Variants in COX7B2 observed in about 807,000 individuals in gnomAD.
The protein encoded by COX7B2 is cytochrome c oxidase subunit 7B2, also known as cytochrome c oxidase subunit 7B2, mitochondrial.
For synonymous variants in COX7B2, 37 were observed against 32.1 expected (o/e 1.15, Z -0.51); for missense variants, 109 against 95.9 (o/e 1.14, Z -0.57).
chr4:46,888,539 G>A (rs2109864706), intron 1 of COX7B2, among the ~76,000 whole-genome samples: 1 of 151,750 alleles, frequency 6.6e-6, no homozygotes. Context: ...CACCTCCCAG[G>A]TTCACGCCAT....
chr4:46,897,255 T>C (rs1719818704), intron 1 of COX7B2, among the ~76,000 whole-genome samples: 1 of 152,052 alleles, frequency 6.6e-6, no homozygotes, highest in East Asian at 1.9e-4. Flanking sequence ...AAAATAAAGG[T>C]TCCAACTCCT....
At chr4:46,829,608 C>T (rs1714930125) in intron 2 of COX7B2, among the ~76,000 whole-genome samples, 1 of 152,076 alleles carries the variant, frequency 6.6e-6, no homozygotes. Flanking sequence ...GGCACTTCAT[C>T]ATGGGATGAA....
intron 2 of COX7B2, among the ~76,000 whole-genome samples, chr4:46,773,075 C>A (rs541572282): frequency 6.6e-6 from 1 of 152,134 alleles, no homozygotes; most frequent in African/African-American, 2.4e-5. Context: ...TACATATTCT[C>A]TGTTCTTTTG....
rs536035951 is a variant in COX7B2, at chr4:46,781,848, G to A, written c.-49-46607C>T. Among the ~76,000 whole-genome samples the A allele has an allele frequency of 4.6e-5, 7 of 152,322 alleles. No homozygotes were observed. In the South Asian group the frequency reaches 1.0e-3, roughly 23 times the overall value. ...GCCAGCAGCTGCAGAGGATGTGCGG[G>A]GTCCCTCAGCATTACCTGCCCACGC... On this transcript the variant is annotated intron_variant, in intron 2 of 2. Coordinates refer to ENST00000355591, the MANE Select transcript of COX7B2 (RefSeq NM_130902.3).
At chr4:46,815,598 TCCTACAGCTGCAGA>T (rs1457421398) in intron 2 of COX7B2, among the ~76,000 whole-genome samples, 1 of 152,096 alleles carries the variant, frequency 6.6e-6, no homozygotes, top group Non-Finnish European at 1.5e-5. Flanking sequence ...ATCTGTATTC[TCCTACAGCTGCAGA>T]AATGCAGATT....
chr4:46,880,869 G>A (rs1234829293), intron 1 of COX7B2, among the ~76,000 whole-genome samples: 1 of 147,526 alleles, frequency 6.8e-6, no homozygotes, highest in Non-Finnish European at 1.5e-5. Flanking sequence ...GGGAGGGATA[G>A]CATTGGGAGA....
chr4:46,755,219 C>T (rs1393518402), intron 2 of COX7B2, among the ~76,000 whole-genome samples: 2 of 151,966 alleles, frequency 1.3e-5, no homozygotes, highest in African/African-American at 4.8e-5. Context: ...AATAAAAAGT[C>T]TTTGATGAAA....
chr4:46,822,882 C>CA (rs1415026810), intron 2 of COX7B2, among the ~76,000 whole-genome samples: 11 of 151,976 alleles, frequency 7.2e-5, no homozygotes, highest in Non-Finnish European at 1.0e-4. Flanking sequence ...CTTTAGATAA[C>CA]AAAAAACAAA....
At chr4:46,825,874 C>T (rs938692538) in intron 2 of COX7B2, among the ~76,000 whole-genome samples, 11 of 151,892 alleles carry the variant, frequency 7.2e-5, no homozygotes, top group African/African-American at 2.7e-4. Flanking sequence ...GCACAAAAAC[C>T]AACACAAGAT....
chr4:46,735,156 G>A lies in COX7B2; in HGVS notation c.37C>T (p.Leu13Phe). Residue 13 changes from leucine to phenylalanine, a missense_variant, in exon 3 of 3, where the codon CTC becomes TTC. By Grantham distance (22) the Leu-to-Phe change is conservative. Coordinates refer to ENST00000355591, the MANE Select transcript of COX7B2 (RefSeq NM_130902.3). ...FPLARNALSS[L>F]KIQSILQSMA... is the part of the protein sequence containing the mutation. ...CTTTGCAGAATGCTTTGAATCTTGA[G>A]ACTGCTTAGTGCATTTCTGGCCAAG... 6.2e-7 allele frequency: 1 copy of A among 1,613,492 alleles called. No homozygotes were observed. The highest frequency in any genetic ancestry group is 8.5e-7 in the Non-Finnish European group (1 of 1,179,790).
At chr4:46,842,756 A>T (rs1176388270) in intron 2 of COX7B2, among the ~76,000 whole-genome samples, 6 of 152,118 alleles carry the variant, frequency 3.9e-5, no homozygotes, top group South Asian at 2.1e-4. Context: ...GCTGCATAGT[A>T]TTCCATGGTG....
chr4:46,779,014 T>C (rs1339150926), intron 2 of COX7B2, among the ~76,000 whole-genome samples: 4 of 152,208 alleles, frequency 2.6e-5, no homozygotes, highest in Non-Finnish European at 5.9e-5. Context: ...TTACATTCAT[T>C]GATACAATTC....
At chr4:46,845,495 T>G (rs1266649050) in intron 1 of COX7B2, among the ~76,000 whole-genome samples, 1 of 152,062 alleles carries the variant, frequency 6.6e-6, no homozygotes, top group East Asian at 1.9e-4. Flanking sequence ...CAAATGTGGT[T>G]GAAAGGAATA....
chr4:46,773,416 C>A (rs1286513948), intron 2 of COX7B2, among the ~76,000 whole-genome samples: 1 of 152,144 alleles, frequency 6.6e-6, no homozygotes, highest in African/African-American at 2.4e-5. Flanking sequence ...GTGTTTGCTT[C>A]CCCTTCTGCA....
chr4:46,765,765 G>A (rs971588927), intron 2 of COX7B2, among the ~76,000 whole-genome samples: 7 of 151,774 alleles, frequency 4.6e-5, no homozygotes, highest in African/African-American at 1.7e-4. Context: ...CCACAACTGA[G>A]TCCCCAGGCT....
rs1306925164 is a variant in COX7B2 at position 46,804,275 on chromosome 4, A to T, written c.-50+40685T>A. 4.6e-5 allele frequency among the ~76,000 whole-genome samples: 7 copies of T among 152,118 alleles called. 1 individual carries two copies. The highest frequency in any genetic ancestry group is 7.4e-5 in the Non-Finnish European group (5 of 68,020). On this transcript the variant is annotated intron_variant, in intron 2 of 2. Coordinates refer to ENST00000355591, the MANE Select transcript of COX7B2 (RefSeq NM_130902.3). Reference sequence around the variant, plus strand: ...TGAGCAGTAGCAAGACTTACCGCAAAGAGCGAAAGAACGAAGCTTCCACGG... The same window carrying T: ...TGAGCAGTAGCAAGACTTACCGCAATGAGCGAAAGAACGAAGCTTCCACGG...
At chr4:46,794,653 C>A (rs750369856) in intron 2 of COX7B2, among the ~76,000 whole-genome samples, 1 of 151,940 alleles carries the variant, frequency 6.6e-6, no homozygotes, top group African/African-American at 2.4e-5. Context: ...TAATTAGATC[C>A]TAGGGTGACA....
chr4:46,908,843 C>A (rs113019036), intron 1 of COX7B2, among the ~76,000 whole-genome samples: 5,627 of 151,670 alleles, frequency 0.037, 138 homozygotes, highest in Non-Finnish European at 0.059. Flanking sequence ...AGATCGAGAC[C>A]ATCCTGGCTA....
In COX7B2 at chr4:46,898,788, T is replaced by G. The variant is rs1164742723; in HGVS notation, c.-105+10372A>C. Among the ~76,000 whole-genome samples, 3 of 152,154 alleles carry G rather than the reference T, an allele frequency of 2.0e-5. No homozygotes were observed. The East Asian group carries it at 5.8e-4, about 29-fold the overall frequency. Reference sequence around the variant, plus strand: ...TTTCCTATTATTTCACTTCCCTATTTAAAAACATTGCCTGTAGCATCTGAT... The same window carrying G: ...TTTCCTATTATTTCACTTCCCTATTGAAAAACATTGCCTGTAGCATCTGAT... On this transcript the variant is annotated intron_variant, in intron 1 of 2. Coordinates refer to ENST00000355591, the MANE Select transcript of COX7B2 (RefSeq NM_130902.3).
Sources: gnomAD v4.1 joint callset for allele counts (sites outside exome capture counted in the v4.1 genomes callset) on GRCh38, gnomAD v4.1.1 for gene constraint, MANE v1.5 for transcripts, NCBI Gene and HGNC (gene_info 2026-07-23, HGNC 2026-07-21) for gene names.